The following SMOC2 variants were observed in gnomAD, a reference collection of about 807,000 sequenced individuals.
The protein encoded by SMOC2 is SPARC-related modular calcium-binding protein 2.
Under a neutral mutation model 61.4 loss-of-function variants are expected in SMOC2, and 39 were observed. The observed-to-expected ratio is 0.64, with a 90% CI of 0.49 to 0.83. The LOEUF (loss-of-function observed/expected upper bound fraction) is 0.83, where lower values mean the gene tolerates loss of function less well. Ranked by LOEUF, SMOC2 falls within the 40% of genes least tolerant of loss-of-function variation. The pLI, the probability that SMOC2 is intolerant of heterozygous loss-of-function variation, is 0.00. For synonymous variants in SMOC2, 247 were observed against 239.9 expected, an observed-to-expected ratio of 1.03 and a Z score of -0.27; for missense variants, 556 against 592.9, an observed-to-expected ratio of 0.94 and a Z score of 0.65.
intron 1 of SMOC2, among the ~76,000 whole-genome samples, chr6:168,472,174 T>G (rs1781979806): frequency 6.6e-6 from 1 of 152,156 alleles, no homozygotes; most frequent in African/African-American, 2.4e-5. Flanking sequence ...AATTTTATAG[T>G]TTTGAGTCTT....
chr6:168,448,396 G>GATGGGGAGGAGGATGGCA (rs1305921815), intron 1 of SMOC2, among the ~76,000 whole-genome samples: 64 of 151,286 alleles, frequency 4.2e-4, no homozygotes, highest in African/African-American at 1.5e-3. Flanking sequence ...GGAGAATGGA[G>GATGGGGAGGAGGATGGCA]ATGGGGAGGA....
intron 9 of SMOC2, among the ~76,000 whole-genome samples, chr6:168,624,662 G>A (rs1013456455): frequency 6.9e-6 from 1 of 144,464 alleles, no homozygotes; most frequent in African/African-American, 2.5e-5. Flanking sequence ...AGACACAGAC[G>A]CACACACACA....
chr6:168,664,164 A>G (rs745728349), intron 12 of SMOC2, 53 bp downstream of exon 12: 6 of 1,412,130 alleles, frequency 4.2e-6, no homozygotes, highest in Non-Finnish European at 5.9e-6. Context: ...ATTATAAACA[A>G]TAAAAATTCA....
chr6:168,489,488 A>G (rs1782419493), intron 1 of SMOC2, among the ~76,000 whole-genome samples: 1 of 151,174 alleles, frequency 6.6e-6, no homozygotes, highest in Admixed American at 6.6e-5. Flanking sequence ...ACACTGTTTT[A>G]GAATGAAATA....
chr6:168,534,837 T>C (rs893692539), intron 4 of SMOC2, among the ~76,000 whole-genome samples: 2 of 152,188 alleles, frequency 1.3e-5, no homozygotes, highest in Non-Finnish European at 2.9e-5. Flanking sequence ...AAGTGACTTT[T>C]CGCTCCTGTT....
intron 10 of SMOC2, among the ~76,000 whole-genome samples, chr6:168,651,396 C>T (rs1288648957): frequency 6.6e-6 from 1 of 152,144 alleles, no homozygotes; most frequent in African/African-American, 2.4e-5. Flanking sequence ...TTCTCCAACA[C>T]TCCTCTTTTC....
At chr6:168,545,161 T>A (rs1170681422) in intron 5 of SMOC2, among the ~76,000 whole-genome samples, 1 of 151,984 alleles carries the variant, frequency 6.6e-6, no homozygotes, top group East Asian at 1.9e-4. Context: ...TTAGGAAAAT[T>A]AATCAAATGT....
At chr6:168,496,778 G>C (rs1436177282) in intron 1 of SMOC2, among the ~76,000 whole-genome samples, 1 of 152,232 alleles carries the variant, frequency 6.6e-6, no homozygotes. Context: ...CTTCTGAGTG[G>C]GGTGTGATGG....
At chr6:168,605,219 C>A (rs1428617738) in intron 8 of SMOC2, among the ~76,000 whole-genome samples, 2 of 152,060 alleles carry the variant, frequency 1.3e-5, no homozygotes, top group African/African-American at 4.8e-5. Context: ...CACATCTGGG[C>A]AGCCTCTGTT....
At chr6:168,580,174 T>G (rs1784890795) in intron 7 of SMOC2, among the ~76,000 whole-genome samples, 1 of 152,240 alleles carries the variant, frequency 6.6e-6, no homozygotes, top group South Asian at 2.1e-4. Context: ...TTACTTTATG[T>G]CTGAGTTTGT....
intron 1 of SMOC2, among the ~76,000 whole-genome samples, chr6:168,489,786 T>G (rs976041079): frequency 5.4e-5 from 8 of 147,338 alleles, no homozygotes; most frequent in African/African-American, 2.0e-4. Flanking sequence ...TGTTTTAGAG[T>G]GAAATATATG....
At chr6:168,497,966 G>A (rs12525412) in intron 1 of SMOC2, among the ~76,000 whole-genome samples, 4,722 of 152,186 alleles carry the variant, frequency 0.031, 353 homozygotes, top group East Asian at 0.22. Context: ...GACCTTTACC[G>A]CTGGGCCATT....
At chr6:168,507,944 C>T (rs978482725) in intron 1 of SMOC2, among the ~76,000 whole-genome samples, 2 of 152,380 alleles carry the variant, frequency 1.3e-5, no homozygotes, top group South Asian at 2.1e-4. Flanking sequence ...TTCATCCCCA[C>T]ATCTGGGCAA....
At chr6:168,534,708 T>C (rs1783693426) in intron 4 of SMOC2, among the ~76,000 whole-genome samples, 1 of 152,268 alleles carries the variant, frequency 6.6e-6, no homozygotes, top group African/African-American at 2.4e-5. Flanking sequence ...GTGTTTTTTA[T>C]AATCTGCTCC....
At chr6:168,532,116 C>A (rs139356100) in intron 4 of SMOC2, among the ~76,000 whole-genome samples, 7 of 152,236 alleles carry the variant, frequency 4.6e-5, no homozygotes, top group Non-Finnish European at 8.8e-5. Flanking sequence ...CTGCTGATGT[C>A]GACCTGTGGG....
Position 168,473,918 on chromosome 6 carries a change from G to A in SMOC2, c.84+32464G>A, listed in dbSNP as rs1013122281. On this transcript the variant is annotated intron_variant, in intron 1 of 12. Coordinates refer to ENST00000356284, the MANE Select transcript of SMOC2 (RefSeq NM_001166412.2). The stretch of plus-strand genomic sequence containing the variant: ...GTGCTGCAAATTAATGGGATCTGGA[G>A]CCTGGAGACAGAGTCTTGTCCCTTC... Among the ~76,000 whole-genome samples the A allele has an allele frequency of 5.9e-5, 9 of 152,118 alleles. No individual in the cohort carries two copies. In the East Asian group the frequency reaches 7.7e-4, roughly 13 times the overall value.
Position 168,652,971 on chromosome 6 carries a change from C to T in SMOC2, c.1028C>T (p.Pro343Leu), listed in dbSNP as rs1222953095. The T allele has an allele frequency of 3.1e-6, 5 of 1,613,514 alleles. No homozygotes were observed. In the African/African-American group the frequency reaches 4.0e-5, roughly 13 times the overall value. Residue 343 changes from proline to leucine, a missense_variant, in exon 11 of 13, where the codon CCC becomes CTC. Pro to Leu is a moderately conservative substitution (Grantham distance 98). Transcript: ENST00000356284. ...SSSGRLSEPD[P>L]SHTLEERVVH... Reference sequence around the variant, plus strand: ...CCTTCCAGGCTCTCAGAACCCGACCCCAGCCATACCCTAGAGGAGCGGGTG... The same window carrying T: ...CCTTCCAGGCTCTCAGAACCCGACCTCAGCCATACCCTAGAGGAGCGGGTG...
chr6:168,504,076 C>T (rs543215766), intron 1 of SMOC2, among the ~76,000 whole-genome samples: 71 of 152,184 alleles, frequency 4.7e-4, no homozygotes, highest in South Asian at 8.3e-4. Flanking sequence ...GCATCCTTTC[C>T]GATTTCTTCC....
At chr6:168,442,591 T>A (rs1431997905) in intron 1 of SMOC2, among the ~76,000 whole-genome samples, 1 of 152,282 alleles carries the variant, frequency 6.6e-6, no homozygotes, top group East Asian at 1.9e-4. Context: ...CCGTCTTTTT[T>A]AAGTGGCCGG....
Sources: allele counts gnomAD v4.1 joint callset (sites outside exome capture counted in the v4.1 genomes callset), GRCh38; gene constraint gnomAD v4.1.1; transcripts MANE v1.5; gene names NCBI Gene and HGNC (gene_info 2026-07-23, HGNC 2026-07-21).